The following KAT6B variants were observed in gnomAD, a reference collection of about 807,000 sequenced individuals.
The protein encoded by KAT6B is lysine acetyltransferase 6B, also known as histone acetyltransferase KAT6B.
KAT6B carries 10 observed loss-of-function variants against 187.5 expected under a neutral mutation model. The observed-to-expected ratio is 0.05, with a 90% confidence interval of 0.03 to 0.09. The LOEUF is 0.09. KAT6B is among the 10% of genes least tolerant of loss of function. The pLI is 1.00. For synonymous variants in KAT6B, 861 were observed against 926.8 expected (o/e 0.93, Z 1.29); for missense variants, 1,952 against 2,558.9 (o/e 0.76, Z 5.12).
At chr10:74,886,204 C>G (rs1845253492) in intron 3 of KAT6B, among the ~76,000 whole-genome samples, 1 of 152,140 alleles carries the variant, frequency 6.6e-6, no homozygotes. Flanking sequence ...CTCTGACAGG[C>G]AAGATTAATT....
In KAT6B at chr10:75,029,277, T is replaced by A. The variant is rs1157051660; in HGVS notation, c.4453T>A (p.Cys1485Ser). ...CTGTGGCGTCGACCTGACAGCTTCT[T>A]GTAACAGTGAGCCCAAGGAGCTTGC... Reference protein sequence around the residue: ...MDCGVDLTASCNSEPKELAGD... With the variant: ...MDCGVDLTASSNSEPKELAGD... The change falls in exon 18 of 18, where the codon TGT (cysteine) becomes AGT (serine). Residue 1485 changes from cysteine to serine, a missense_variant. Physicochemically the swap from Cys to Ser is moderately radical, Grantham distance 112. Around this residue, in one of 9 missense-constraint regions of KAT6B, gnomAD observed 758 missense variants for 891.4 expected, o/e 0.85. Coordinates refer to ENST00000287239, the MANE Select transcript of KAT6B (RefSeq NM_012330.4). The surrounding 1 kb of genome is among the most constrained non-coding windows in gnomAD (Gnocchi z 6.2). The A allele has an allele frequency of 1.9e-6, 3 of 1,614,066 alleles. No homozygotes were observed. The South Asian group carries it at 3.3e-5, about 18-fold the overall frequency.
intron 1 of KAT6B, among the ~76,000 whole-genome samples, chr10:74,835,727 A>C (rs1006331968): frequency 6.6e-5 from 10 of 152,254 alleles, no homozygotes; most frequent in African/African-American, 2.4e-4. Context: ...ATCTATGTAA[A>C]GTACCTGGAC....
At chr10:74,826,077 C>A (rs1840184418), upstream of KAT6B, among the ~76,000 whole-genome samples, 1 of 151,602 alleles carries the variant, frequency 6.6e-6, no homozygotes, top group Admixed American at 6.6e-5. Context: ...CCCCTAAATC[C>A]TGCGGCCGCC....
Position 74,835,495 on chromosome 10 carries a change from CAAGGGGTACCTG to C in KAT6B, c.-328-3183_-328-3172del, listed in dbSNP as rs562668490. ...CTGCAATGGCCCAAAGTTTAACCCA[CAAGGGGTACCTG>C]AAGGTAATACCCGAAGTAACTCCTT... On this transcript the variant is annotated intron_variant, in intron 1 of 17. Transcript: ENST00000287239. Among the ~76,000 whole-genome samples, 24 of 152,326 alleles carry C rather than the reference CAAGGGGTACCTG, an allele frequency of 1.6e-4. No homozygotes were observed. The South Asian group carries it at 5.0e-3, about 32-fold the overall frequency.
chr10:75,021,861 T>A lies in KAT6B; in HGVS notation c.3022-20T>A, dbSNP rs1471479072. On this transcript the variant is annotated intron_variant, in intron 15 of 17. Coordinates refer to ENST00000287239, the MANE Select transcript of KAT6B (RefSeq NM_012330.4). ...GTAACTGCCCTCTCACTGGCCACCA[T>A]TTTTACCCTCCCCACTTAGGCTGAG... The A allele has an allele frequency of 6.2e-7, 1 of 1,613,834 alleles. No individual in the cohort carries two copies. The highest frequency in any genetic ancestry group is 8.5e-7 in the Non-Finnish European group (1 of 1,179,942).
intron 3 of KAT6B, among the ~76,000 whole-genome samples, chr10:74,894,278 C>A (rs1457749371): frequency 6.6e-6 from 1 of 152,118 alleles, no homozygotes; most frequent in Non-Finnish European, 1.5e-5. Context: ...GACGGGGTTT[C>A]ACCATGTTCA....
At chr10:74,861,618 C>T (rs181441659) in intron 3 of KAT6B, among the ~76,000 whole-genome samples, 17 of 152,260 alleles carry the variant, frequency 1.1e-4, no homozygotes, top group African/African-American at 4.1e-4. Flanking sequence ...CATCCAAGCT[C>T]CTTGATCTGT....
At chr10:74,902,711 G>C (rs2132787283) in intron 3 of KAT6B, among the ~76,000 whole-genome samples, 1 of 152,242 alleles carries the variant, frequency 6.6e-6, no homozygotes, top group Middle Eastern at 3.4e-3. Flanking sequence ...GGAATACTCT[G>C]GCTGTCAGGC....
In KAT6B at chr10:75,029,006, A is replaced by G; in HGVS notation, c.4182A>G (p.Glu1394=). The change falls in exon 18 of 18, where the codon GAA becomes GAG. Residue 1394 remains glutamate (E), a synonymous_variant. Transcript: ENST00000287239. This position sits in a 1 kb window ranked among gnomAD's most constrained non-coding sequence, Gnocchi z 6.2. The stretch of plus-strand genomic sequence containing the variant: ...AAAGCCAAGAAAAAGAGGAACCAGA[A>G]ATCTCCACGGAAAAAGAAGACTCTG... The part of the protein sequence containing the change: ...GAKSQEKEEP[E]ISTEKEDSAR... 1 of 1,614,034 alleles carries G rather than the reference A, an allele frequency of 6.2e-7. No homozygotes were observed. Among genetic ancestry groups the G allele is most frequent in the Non-Finnish European group, 8.5e-7 (1 of 1,180,014 alleles).
At chr10:74,897,002 G>T (rs1273839883) in intron 3 of KAT6B, among the ~76,000 whole-genome samples, 3 of 152,124 alleles carry the variant, frequency 2.0e-5, no homozygotes, top group Non-Finnish European at 4.4e-5. Flanking sequence ...ATCAAAGAAA[G>T]AATTTATTGA....
chr10:74,931,680 A>C (rs978618840), intron 3 of KAT6B, among the ~76,000 whole-genome samples: 9 of 152,188 alleles, frequency 5.9e-5, no homozygotes, highest in Non-Finnish European at 1.0e-4. Context: ...CTTTTAGAAT[A>C]TGATTTGCCA....
intron 3 of KAT6B, among the ~76,000 whole-genome samples, chr10:74,879,325 A>G (rs1844678474): frequency 6.6e-6 from 1 of 152,156 alleles, no homozygotes; most frequent in African/African-American, 2.4e-5. Flanking sequence ...CCCTAGGAAA[A>G]CCAGGATGGT....
chr10:74,948,985 T>C (rs1840133044), intron 3 of KAT6B, among the ~76,000 whole-genome samples: 1 of 152,234 alleles, frequency 6.6e-6, no homozygotes, highest in Non-Finnish European at 1.5e-5. Context: ...AGTCTGGACC[T>C]GCTCCAGTGA....
At chr10:74,889,553 C>T (rs148434922) in intron 3 of KAT6B, among the ~76,000 whole-genome samples, 139 of 152,230 alleles carry the variant, frequency 9.1e-4, no homozygotes, top group African/African-American at 3.1e-3. Context: ...ATTCTCTCCC[C>T]ACAAGGTGGT....
At chr10:74,884,789 G>T (rs11813774) in intron 3 of KAT6B, among the ~76,000 whole-genome samples, 15,752 of 152,036 alleles carry the variant, frequency 0.1, 1,885 homozygotes, top group African/African-American at 0.29. Flanking sequence ...GGCTGGTCTC[G>T]AATTCCTGAC....
chr10:75,021,782 G>T, intron 15 of KAT6B, 99 bp from the exon 16 acceptor site: 1 of 1,312,200 alleles, frequency 7.6e-7, no homozygotes, highest in Non-Finnish European at 1.1e-6. Flanking sequence ...TGGCTGTCCT[G>T]ATCAGAACCG....
rs147606813 is a variant in KAT6B, at chr10:74,903,879, G to C, written c.622-56091G>C. Among the ~76,000 whole-genome samples, 50 of 152,358 alleles carry C rather than the reference G, an allele frequency of 3.3e-4. 1 individual carries two copies. The East Asian group carries it at 9.3e-3, about 28-fold the overall frequency. ...TCAGGGGTAGACTTACAGGAGCCTA[G>C]CTGAAGAAACTGGTGTATGGAATCA... is the stretch of plus-strand genomic sequence containing the variant. On this transcript the variant is annotated intron_variant, in intron 3 of 17. Transcript: ENST00000287239.
At chr10:75,019,291 A>C (rs1845209168) in intron 13 of KAT6B, among the ~76,000 whole-genome samples, 1 of 152,224 alleles carries the variant, frequency 6.6e-6, no homozygotes, top group Non-Finnish European at 1.5e-5. Flanking sequence ...ATTCTTCATA[A>C]TGGCATTCAG....
intron 3 of KAT6B, among the ~76,000 whole-genome samples, chr10:74,857,939 C>T (rs1209716950): frequency 6.6e-6 from 1 of 152,078 alleles, no homozygotes; most frequent in Non-Finnish European, 1.5e-5. Context: ...GGAGGATTGC[C>T]TGAGTCCAGA....
Sources: allele counts gnomAD v4.1 joint callset (sites outside exome capture counted in the v4.1 genomes callset), GRCh38; gene constraint gnomAD v4.1.1; regional missense constraint gnomAD v4.1.1; non-coding constraint Gnocchi (gnomAD v3.1); transcripts MANE v1.5; gene names NCBI Gene and HGNC (gene_info 2026-07-23, HGNC 2026-07-21).